The following HERC4 variants were observed in gnomAD, a reference collection of about 807,000 sequenced individuals.
HERC4 encodes HECT and RLD domain containing E3 ubiquitin protein ligase 4.
A neutral mutation model predicts 124.3 loss-of-function variants in HERC4; 28 were observed. The observed-to-expected ratio is 0.23, with a 90% CI of 0.17 to 0.31. The LOEUF (loss-of-function observed/expected upper bound fraction) is 0.31, where lower values mean the gene tolerates loss of function less well. Among genes scored for constraint, HERC4 ranks in the 10% least tolerant of loss-of-function variants. The pLI is 1.00. For missense variants in HERC4, 713 were observed against 1,229.3 expected (o/e 0.58, Z 6.28); for synonymous variants, 407 against 421.5 (o/e 0.97, Z 0.42).
intron 3 of HERC4, among the ~76,000 whole-genome samples, chr10:68,056,579 G>A (rs1385757009): frequency 6.6e-6 from 1 of 152,158 alleles, no homozygotes; most frequent in Non-Finnish European, 1.5e-5. Context: ...AGTGACCAAG[G>A]AGTAATGATG....
intron 7 of HERC4, among the ~76,000 whole-genome samples, chr10:68,026,759 C>T (rs968341277): frequency 1.3e-5 from 2 of 152,060 alleles, no homozygotes; most frequent in Admixed American, 1.3e-4. Context: ...AGGAGAATTG[C>T]CTGAACCCGG....
intron 24 of HERC4, among the ~76,000 whole-genome samples, chr10:67,924,487 G>C (rs369657943): frequency 6.6e-6 from 1 of 152,278 alleles, no homozygotes; most frequent in African/African-American, 2.4e-5. Flanking sequence ...GTAGGTAACT[G>C]TAACATAACA....
At chr10:67,924,572 T>C (rs2030656678) in intron 24 of HERC4, among the ~76,000 whole-genome samples, 1 of 152,220 alleles carries the variant, frequency 6.6e-6, no homozygotes, top group African/African-American at 2.4e-5. Flanking sequence ...CTATCGTATA[T>C]ATGGTCTGTC....
rs1157994247 is a variant in HERC4, at chr10:68,052,912, AC to A, written c.227-8350del. The stretch of plus-strand genomic sequence containing the variant: ...CTACAAAAAGAGAAAAATAAAAGCT[AC>A]AAAGATAGAGACTCCAGACTTGTTT... On this transcript the variant is annotated intron_variant, in intron 3 of 24. Transcript: ENST00000373700. Among the ~76,000 whole-genome samples the A allele has an allele frequency of 3.3e-5, 5 of 152,364 alleles. No homozygotes were observed. The South Asian group carries it at 1.0e-3, about 32-fold the overall frequency.
In HERC4 at chr10:68,048,304, C is replaced by T. The variant is rs117835009; in HGVS notation, c.227-3741G>A. 1.3e-4 allele frequency among the ~76,000 whole-genome samples: 20 copies of T among 152,284 alleles called. No individual in the cohort carries two copies. The East Asian group carries it at 3.7e-3, about 28-fold the overall frequency. ...GTCCTTCAGTAGGTGAATGGATAAA[C>T]TGTGGTACATCCAGACAATGGAATA... On this transcript the variant is annotated intron_variant, in intron 3 of 24. Coordinates refer to ENST00000373700, the MANE Select transcript of HERC4 (RefSeq NM_015601.4).
At chr10:68,025,446 G>A (rs976423611) in intron 8 of HERC4, 100 bp downstream of exon 8, 3 of 1,324,516 alleles carry the variant, frequency 2.3e-6, no homozygotes, top group Non-Finnish European at 1.0e-6. Flanking sequence ...GGGGCAGAAT[G>A]TGTTTCCTCA....
chr10:67,984,234 A>G (rs956422564), intron 15 of HERC4, among the ~76,000 whole-genome samples: 5 of 150,474 alleles, frequency 3.3e-5, no homozygotes, highest in Non-Finnish European at 7.4e-5. Flanking sequence ...CCTAAGAGGT[A>G]GAGGCTGCAG....
chr10:68,071,868 C>A (rs968616800), intron 3 of HERC4, among the ~76,000 whole-genome samples: 1 of 152,048 alleles, frequency 6.6e-6, no homozygotes, highest in African/African-American at 2.4e-5. Context: ...AGGATGAAAA[C>A]GATACAGTAT....
At chr10:68,005,771 A>AT (rs1467731944) in intron 9 of HERC4, among the ~76,000 whole-genome samples, 5 of 151,890 alleles carry the variant, frequency 3.3e-5, no homozygotes, top group Non-Finnish European at 4.4e-5. Context: ...TGGCACAATC[A>AT]TGGCTCACTG....
At chr10:68,031,843 TC>T (rs1189987250) in intron 7 of HERC4, among the ~76,000 whole-genome samples, 1 of 152,104 alleles carries the variant, frequency 6.6e-6, no homozygotes, top group Non-Finnish European at 1.5e-5. Context: ...AAACTCCGCC[TC>T]CTGGGTTCAA....
At chr10:68,056,676 C>T (rs567185380) in intron 3 of HERC4, among the ~76,000 whole-genome samples, 1 of 152,258 alleles carries the variant, frequency 6.6e-6, no homozygotes, top group East Asian at 1.9e-4. Context: ...TAAGAATGAA[C>T]TGGAGCAGGG....
intron 3 of HERC4, among the ~76,000 whole-genome samples, chr10:68,048,787 G>C (rs556016239): frequency 2.0e-5 from 3 of 152,228 alleles, no homozygotes; most frequent in African/African-American, 7.2e-5. Flanking sequence ...TTTATTTTCT[G>C]CTCAGTTTTG....
rs575715909 is a variant in HERC4 at position 68,016,117 on chromosome 10, A to G, written c.909-1931T>C. Among the ~76,000 whole-genome samples, 6 of 152,156 alleles carry G rather than the reference A, an allele frequency of 3.9e-5. No homozygotes were observed. The South Asian group carries it at 1.2e-3, about 32-fold the overall frequency. ...GACTCAGTCTCAAAAATATATGTAT[A>G]TATGTGTGTGTGATTATAGTATAAA... On this transcript the variant is annotated intron_variant, in intron 8 of 24. Transcript: ENST00000373700.
intron 3 of HERC4, among the ~76,000 whole-genome samples, chr10:68,053,613 A>T (rs952099042): frequency 1.3e-5 from 2 of 152,108 alleles, no homozygotes; most frequent in African/African-American, 4.8e-5. Context: ...TAAACAGCAA[A>T]ATCACCAATA....
chr10:67,981,647 T>C (rs2035936292), intron 15 of HERC4, among the ~76,000 whole-genome samples: 1 of 152,124 alleles, frequency 6.6e-6, no homozygotes. Context: ...ATAAAACAAG[T>C]CTTAAACCAT....
At position 67,936,228 on chromosome 10, in the gene HERC4, A is replaced by G. The variant is rs768670278; in HGVS notation, c.2579T>C (p.Val860Ala). Residue 860 changes from valine (V) to alanine (A), a missense_variant, in exon 22 of 25, where the codon GTT becomes GCT. Transcript: ENST00000373700. ...ETFCLNFTIT[V>A]ENFGATEVKE... Reference sequence around the variant, plus strand: ...CACTTCTGTTGCACCAAAGTTTTCAACTGTGATCTATTAATTTAAATTTTT... The same window carrying G: ...CACTTCTGTTGCACCAAAGTTTTCAGCTGTGATCTATTAATTTAAATTTTT... 19 of 1,587,358 alleles carry G rather than the reference A, an allele frequency of 1.2e-5. No individual in the cohort carries two copies. Among genetic ancestry groups the G allele is most frequent in the Middle Eastern group, 1.7e-4 (1 of 5,964 alleles).
intron 23 of HERC4, among the ~76,000 whole-genome samples, chr10:67,927,720 C>T (rs994633364): frequency 2.0e-5 from 3 of 152,048 alleles, no homozygotes; most frequent in Middle Eastern, 3.4e-3. Context: ...CCACTGCGCC[C>T]GGCCGCTACA....
chr10:68,020,585 C>T (rs2038556315), intron 8 of HERC4, among the ~76,000 whole-genome samples: 1 of 151,596 alleles, frequency 6.6e-6, no homozygotes, highest in African/African-American at 2.4e-5. Flanking sequence ...GCTAAAAAAA[C>T]GGTGAAACCC....
chr10:67,959,224 CAT>C, intron 16 of HERC4: 1 of 1,265,270 alleles, frequency 7.9e-7, no homozygotes, highest in East Asian at 2.5e-5. Flanking sequence ...GGTAGCATTT[CAT>C]ATATTTTGCT....
Sources: gnomAD v4.1 joint callset for allele counts (sites outside exome capture counted in the v4.1 genomes callset) on GRCh38, gnomAD v4.1.1 for gene constraint, MANE v1.5 for transcripts, NCBI Gene and HGNC (gene_info 2026-07-23, HGNC 2026-07-21) for gene names.